The following MAP3K20 variants were observed in gnomAD, a reference collection of about 807,000 sequenced individuals.
The protein encoded by MAP3K20 is mitogen-activated protein kinase kinase kinase 20.
Under a neutral mutation model 85.7 loss-of-function variants are expected in MAP3K20, and 40 were observed. The ratio of observed to expected loss-of-function variants is 0.47; its 90% CI spans 0.36 to 0.61. The LOEUF is 0.61. Ranked by LOEUF, MAP3K20 falls within the 20% of genes least tolerant of loss-of-function variation. The probability of loss-of-function intolerance (pLI) is 0.00; values close to 1 mark genes in which losing one functional copy is unlikely to be tolerated. For missense variants in MAP3K20, 817 were observed against 961.7 expected, an observed-to-expected ratio of 0.85 and a Z score of 1.99; for synonymous variants, 325 against 327.7, an observed-to-expected ratio of 0.99 and a Z score of 0.09.
chr2:173,203,782 T>G lies in MAP3K20; in HGVS notation c.670-14T>G. ...CCTGTTTTATTTTGTTTTGTTTCCCTCTGTCTATTGTAGAGATTAACCATT... is the reference window on the plus strand; with the variant it reads ...CCTGTTTTATTTTGTTTTGTTTCCCGCTGTCTATTGTAGAGATTAACCATT... On this transcript the variant is annotated splice_polypyrimidine_tract_variant and intron_variant, in intron 8 of 19. Transcript: ENST00000375213. The G allele has an allele frequency of 5.6e-6, 9 of 1,600,900 alleles. No individual in the cohort carries two copies. The highest frequency in any genetic ancestry group is 6.8e-6 in the Non-Finnish European group (8 of 1,168,380).
intron 2 of MAP3K20, among the ~76,000 whole-genome samples, chr2:173,145,615 C>T (rs1689114475): frequency 6.6e-6 from 1 of 152,104 alleles, no homozygotes; most frequent in African/African-American, 2.4e-5. Context: ...ACCCAAAACA[C>T]CCAGTGTTGG....
intron 2 of MAP3K20, among the ~76,000 whole-genome samples, chr2:173,135,635 T>C (rs532001799): frequency 6.6e-6 from 1 of 152,356 alleles, no homozygotes. Flanking sequence ...TTTTAGATCT[T>C]TTCCTCCTTT....
intron 7 of MAP3K20, chr2:173,193,082 G>T (rs1187112421): frequency 6.6e-6 from 1 of 152,242 alleles, no homozygotes; most frequent in African/African-American, 2.4e-5. Flanking sequence ...TTGGGAAGAT[G>T]AGCAGCGTGG....
At position 173,181,606 on chromosome 2, in the gene MAP3K20, C is replaced by T. The variant is rs1239805593; in HGVS notation, c.248-1248C>T. ...CACAAATGTTCATAGGAGCATTATT[C>T]GTAATAGCCAAAAACTGGGAACAAT... On this transcript the variant is annotated intron_variant, in intron 3 of 19. Coordinates refer to ENST00000375213, the MANE Select transcript of MAP3K20 (RefSeq NM_016653.3). Among the ~76,000 whole-genome samples, 5 of 152,096 alleles carry T rather than the reference C, an allele frequency of 3.3e-5. No homozygotes were observed. In the East Asian group the frequency reaches 5.8e-4, roughly 18 times the overall value.
chr2:173,214,944 A>T (rs1268169499), intron 10 of MAP3K20, among the ~76,000 whole-genome samples: 1 of 152,118 alleles, frequency 6.6e-6, no homozygotes, highest in Non-Finnish European at 1.5e-5. Flanking sequence ...TTGACTCTGC[A>T]GTGTTGGGAG....
At chr2:173,121,304 A>G (rs1688279387) in intron 2 of MAP3K20, among the ~76,000 whole-genome samples, 2 of 152,214 alleles carry the variant, frequency 1.3e-5, no homozygotes, top group South Asian at 4.1e-4. Context: ...GAAGCAAAGC[A>G]GTATGGAAAA....
At chr2:173,205,199 A>G (rs1180863096) in intron 9 of MAP3K20, among the ~76,000 whole-genome samples, 1 of 152,012 alleles carries the variant, frequency 6.6e-6, no homozygotes, top group Admixed American at 6.6e-5. Flanking sequence ...GAAAGGAACA[A>G]AAGTTTTATA....
intron 2 of MAP3K20, among the ~76,000 whole-genome samples, chr2:173,129,144 G>A (rs1427110863): frequency 6.6e-6 from 1 of 151,976 alleles, no homozygotes; most frequent in Admixed American, 6.6e-5. Context: ...GGCCAGGATG[G>A]TCTCAATCTC....
At chr2:173,171,987 T>A (rs1007093864) in intron 3 of MAP3K20, among the ~76,000 whole-genome samples, 1 of 152,264 alleles carries the variant, frequency 6.6e-6, no homozygotes, top group African/African-American at 2.4e-5. Flanking sequence ...TTCCTAGAGA[T>A]GTTAGTTTTA....
chr2:173,253,423 G>A (rs1329497682), intron 16 of MAP3K20, among the ~76,000 whole-genome samples: 3 of 152,150 alleles, frequency 2.0e-5, no homozygotes, highest in Admixed American at 2.0e-4. Context: ...GAGGAAAAGG[G>A]ACAAAACTGG....
chr2:173,086,713 T>G (rs967329257), intron 1 of MAP3K20, among the ~76,000 whole-genome samples: 1 of 152,220 alleles, frequency 6.6e-6, no homozygotes, highest in African/African-American at 2.4e-5. Flanking sequence ...TCTGGCACCC[T>G]TAGGTCAGTG....
chr2:173,265,965 C>T (rs895127162), intron 19 of MAP3K20, 85 bp from the exon 20 acceptor site: 5 of 1,384,220 alleles, frequency 3.6e-6, no homozygotes, highest in Non-Finnish European at 4.9e-6. Flanking sequence ...CCCAAACAGC[C>T]CTGAATTATC....
chr2:173,087,118 C>T (rs1232887126), intron 1 of MAP3K20, among the ~76,000 whole-genome samples: 2 of 152,186 alleles, frequency 1.3e-5, no homozygotes, highest in Admixed American at 6.5e-5. Flanking sequence ...AGCTGCCTAA[C>T]TGTGTACTTG....
At chr2:173,203,125 A>G (rs1380642220) in intron 8 of MAP3K20, among the ~76,000 whole-genome samples, 3 of 152,156 alleles carry the variant, frequency 2.0e-5, no homozygotes, top group Admixed American at 6.5e-5. Flanking sequence ...GTCGGTTGCA[A>G]CCCACCAGTC....
Position 173,136,978 on chromosome 2 carries a change from C to A in MAP3K20, c.160-32827C>A, listed in dbSNP as rs565938356. 5.9e-5 allele frequency among the ~76,000 whole-genome samples: 9 copies of A among 152,264 alleles called. No individual in the cohort carries two copies. The South Asian group carries it at 1.9e-3, about 32-fold the overall frequency. On this transcript the variant is annotated intron_variant, in intron 2 of 19. Coordinates refer to ENST00000375213, the MANE Select transcript of MAP3K20 (RefSeq NM_016653.3). ...TCTTTCAAACCTGCAACATTAAGATCTTTGTTCTATCCTTTTCTTGCAAGA... is the reference window on the plus strand; with the variant it reads ...TCTTTCAAACCTGCAACATTAAGATATTTGTTCTATCCTTTTCTTGCAAGA...
intron 14 of MAP3K20, among the ~76,000 whole-genome samples, chr2:173,235,401 C>T (rs973223861): frequency 3.3e-5 from 5 of 152,336 alleles, no homozygotes; most frequent in East Asian, 3.9e-4. Context: ...ACCCCCTCCT[C>T]GTTGTTGCTT....
chr2:173,217,501 C>G (rs556873853), intron 11 of MAP3K20, among the ~76,000 whole-genome samples: 2 of 152,334 alleles, frequency 1.3e-5, no homozygotes, highest in South Asian at 4.1e-4. Context: ...GTTATTCTGT[C>G]AGTGTGTTTA....
intron 1 of MAP3K20, among the ~76,000 whole-genome samples, chr2:173,078,553 C>G (rs570111219): frequency 6.6e-6 from 1 of 152,104 alleles, no homozygotes; most frequent in African/African-American, 2.4e-5. Context: ...TAGATTGATT[C>G]GACTGATACA....
rs375842104 is a variant in MAP3K20, at chr2:173,238,757, T to G, written c.1266+322T>G. Among the ~76,000 whole-genome samples the G allele has an allele frequency of 1.8e-4, 27 of 152,338 alleles. 1 individual carries two copies. Among genetic ancestry groups the G allele is most frequent in the African/African-American group, 6.3e-4 (26 of 41,572 alleles). On this transcript the variant is annotated intron_variant, in intron 15 of 19. Coordinates refer to ENST00000375213, the MANE Select transcript of MAP3K20 (RefSeq NM_016653.3). ...GGATACTTTTCAACATGTAAGTCAC[T>G]GAGAGAATTCATACCCTGGAGCGCT...
Sources: allele counts gnomAD v4.1 joint callset (sites outside exome capture counted in the v4.1 genomes callset), GRCh38; gene constraint gnomAD v4.1.1; transcripts MANE v1.5; gene names NCBI Gene and HGNC (gene_info 2026-07-23, HGNC 2026-07-21).